Variants in LEF1 observed in about 807,000 individuals in gnomAD.
LEF1 encodes lymphoid enhancer binding factor 1.
A neutral mutation model predicts 51.2 loss-of-function variants in LEF1; 14 were observed. That is an observed-to-expected ratio of 0.27 (90% CI 0.18 to 0.43). LEF1 has a LOEUF of 0.43. Ranked by LOEUF, LEF1 falls within the 20% of genes least tolerant of loss-of-function variation. The probability of loss-of-function intolerance (pLI) is 1.00; values close to 1 mark genes in which losing one functional copy is unlikely to be tolerated. For synonymous variants in LEF1, 185 were observed against 183.2 expected (o/e 1.01, Z -0.08); for missense variants, 386 against 512.0 (o/e 0.75, Z 2.37).
intron 1 of LEF1, chr4:108,166,277 C>A (rs200583270): frequency 4.3e-4 from 655 of 1,536,152 alleles, no homozygotes; most frequent in Non-Finnish European, 5.2e-4. Flanking sequence ...CTCACCTCTG[C>A]CATTGGGATA....
chr4:108,099,558 G>A (rs1292355894), intron 3 of LEF1, among the ~76,000 whole-genome samples: 4,529 of 53,578 alleles, frequency 0.085, 505 homozygotes, highest in African/African-American at 0.25. Flanking sequence ...GTGTGTGTAT[G>A]TGTGTGTGTG....
chr4:108,064,770 T>C (rs1434092066), intron 9 of LEF1, among the ~76,000 whole-genome samples: 1 of 151,882 alleles, frequency 6.6e-6, no homozygotes, highest in Non-Finnish European at 1.5e-5. Context: ...GATAATGATG[T>C]CCTAGAGCTG....
chr4:108,068,223 T>C (rs958526954), intron 9 of LEF1, among the ~76,000 whole-genome samples: 1 of 152,056 alleles, frequency 6.6e-6, no homozygotes, highest in African/African-American at 2.4e-5. Flanking sequence ...GCCGAGATCA[T>C]GCCATTGCAT....
chr4:108,060,377 A>G (rs1737591059), intron 11 of LEF1, among the ~76,000 whole-genome samples: 1 of 152,178 alleles, frequency 6.6e-6, no homozygotes, highest in Non-Finnish European at 1.5e-5. Flanking sequence ...AGAAAGTTGG[A>G]CTTGAGGGAG....
At chr4:108,159,759 C>T (rs942317161) in intron 3 of LEF1, among the ~76,000 whole-genome samples, 1 of 152,078 alleles carries the variant, frequency 6.6e-6, no homozygotes, top group Non-Finnish European at 1.5e-5. Flanking sequence ...TGTTGATTCC[C>T]TTAAGGTAAA....
At chr4:108,068,964 CTGAA>C (rs1177433776) in intron 9 of LEF1, among the ~76,000 whole-genome samples, 2 of 152,186 alleles carry the variant, frequency 1.3e-5, no homozygotes, top group African/African-American at 4.8e-5. Context: ...TTACTATAGA[CTGAA>C]TGTTGTGTTC....
chr4:108,163,733 A>G, intron 2 of LEF1, 32 bp from the exon 3 acceptor site: 1 of 1,606,404 alleles, frequency 6.2e-7, no homozygotes. Context: ...TCAATGATGC[A>G]CTGACTTCCC....
chr4:108,068,810 G>T (rs1738259627), intron 9 of LEF1, among the ~76,000 whole-genome samples: 2 of 152,190 alleles, frequency 1.3e-5, no homozygotes, highest in Admixed American at 6.5e-5. Flanking sequence ...GAGCCCCACA[G>T]CAGCACCTAA....
chr4:108,127,453 C>G (rs931875277), intron 3 of LEF1, among the ~76,000 whole-genome samples: 5 of 152,166 alleles, frequency 3.3e-5, no homozygotes, highest in Non-Finnish European at 7.4e-5. Flanking sequence ...AAAGAGAGAA[C>G]TGGAGAAAGA....
chr4:108,124,118 G>A (rs1448291472), intron 3 of LEF1, among the ~76,000 whole-genome samples: 1 of 152,058 alleles, frequency 6.6e-6, no homozygotes, highest in Admixed American at 6.6e-5. Flanking sequence ...CCAGCCTGTG[G>A]AACAGAGAGA....
intron 3 of LEF1, among the ~76,000 whole-genome samples, chr4:108,162,908 T>C (rs1211336221): frequency 6.6e-6 from 1 of 152,176 alleles, no homozygotes; most frequent in Non-Finnish European, 1.5e-5. Context: ...TGAAATTCTT[T>C]ATAATGTTAT....
intron 3 of LEF1, among the ~76,000 whole-genome samples, chr4:108,116,974 C>A (rs565559199): frequency 6.6e-6 from 1 of 152,222 alleles, no homozygotes; most frequent in Non-Finnish European, 1.5e-5. Flanking sequence ...AAGGTGGCAA[C>A]GTGTGACACA....
At chr4:108,141,559 C>A (rs1261834483) in intron 3 of LEF1, among the ~76,000 whole-genome samples, 1 of 152,184 alleles carries the variant, frequency 6.6e-6, no homozygotes, top group Non-Finnish European at 1.5e-5. Context: ...TGATTGATTT[C>A]TGCCTGAATA....
chr4:108,062,054 C>T (rs1005614035), intron 11 of LEF1, among the ~76,000 whole-genome samples: 1 of 152,168 alleles, frequency 6.6e-6, no homozygotes, highest in Non-Finnish European at 1.5e-5. Context: ...GTGCTGGCCG[C>T]TGGGCAGATC....
chr4:108,077,977 G>C (rs4956155), intron 8 of LEF1, among the ~76,000 whole-genome samples: 1 of 152,056 alleles, frequency 6.6e-6, no homozygotes, highest in Non-Finnish European at 1.5e-5. Flanking sequence ...GGAGGTCAAG[G>C]CTGCAGTGAA....
intron 5 of LEF1, 34 bp downstream of exon 5, chr4:108,083,322 A>C (rs761634535): frequency 7.1e-6 from 10 of 1,399,182 alleles, no homozygotes; most frequent in Non-Finnish European, 1.0e-5. Context: ...CATGTGTTCA[A>C]ATGCCTGGCT....
chr4:108,157,263 C>T (rs189496705), intron 3 of LEF1, among the ~76,000 whole-genome samples: 32 of 150,272 alleles, frequency 2.1e-4, no homozygotes, highest in African/African-American at 7.3e-5. Context: ...TGCAATGGTG[C>T]GATCTGGGCT....
intron 3 of LEF1, among the ~76,000 whole-genome samples, chr4:108,092,901 G>A (rs1740115694): frequency 3.2e-5 from 2 of 62,522 alleles, no homozygotes; most frequent in African/African-American, 1.0e-4. Flanking sequence ...GGTGGGTATT[G>A]GAAACAATGA....
intron 4 of LEF1, among the ~76,000 whole-genome samples, chr4:108,084,168 A>G (rs1289859412): frequency 6.6e-6 from 1 of 152,260 alleles, no homozygotes; most frequent in Non-Finnish European, 1.5e-5. Context: ...ATGTAATCCC[A>G]GTCCCAAGTG....
Sources: allele counts gnomAD v4.1 joint callset (sites outside exome capture counted in the v4.1 genomes callset), GRCh38; gene constraint gnomAD v4.1.1; transcripts MANE v1.5; gene names NCBI Gene and HGNC (gene_info 2026-07-23, HGNC 2026-07-21).